Variants in DLGAP2 observed in about 807,000 individuals in gnomAD.
DLGAP2 encodes DLG associated protein 2.
DLGAP2 carries 26 observed loss-of-function variants against 100.3 expected under a neutral mutation model. That is an observed-to-expected ratio of 0.26 (90% CI 0.19 to 0.36). The LOEUF (loss-of-function observed/expected upper bound fraction) is 0.36. Ranked by LOEUF, DLGAP2 falls within the 10% of genes least tolerant of loss-of-function variation. DLGAP2 has a pLI of 1.00. For synonymous variants in DLGAP2, 886 were observed against 630.1 expected, an observed-to-expected ratio of 1.41 and a Z score of -6.08; for missense variants, 1,858 against 1,453.2, an observed-to-expected ratio of 1.28 and a Z score of -4.53.
intron 2 of DLGAP2, among the ~76,000 whole-genome samples, chr8:947,128 G>T (rs772979233): frequency 6.6e-6 from 1 of 152,176 alleles, no homozygotes; most frequent in Non-Finnish European, 1.5e-5. Flanking sequence ...CATCTGCCAG[G>T]AAGACTGTCT....
chr8:1,135,305 A>C (rs1796381575), intron 2 of DLGAP2, among the ~76,000 whole-genome samples: 1 of 152,190 alleles, frequency 6.6e-6, no homozygotes, highest in Non-Finnish European at 1.5e-5. Flanking sequence ...TTCAAGAATT[A>C]AAAAGCAGCT....
At chr8:1,006,282 A>G (rs1563140073) in intron 2 of DLGAP2, among the ~76,000 whole-genome samples, 1 of 152,162 alleles carries the variant, frequency 6.6e-6, no homozygotes, top group Non-Finnish European at 1.5e-5. Context: ...TTGTGCCTTT[A>G]TCACATCGAG....
chr8:820,236 A>G (rs1318373730), intron 1 of DLGAP2, among the ~76,000 whole-genome samples: 2 of 152,238 alleles, frequency 1.3e-5, no homozygotes, highest in Non-Finnish European at 1.5e-5. Flanking sequence ...ATCATTAAAG[A>G]TAGTTACTGA....
intron 2 of DLGAP2, among the ~76,000 whole-genome samples, chr8:952,269 A>G (rs1479706841): frequency 6.6e-6 from 1 of 151,968 alleles, no homozygotes; most frequent in Non-Finnish European, 1.5e-5. Flanking sequence ...AGAGCTTAGG[A>G]CCTCTTGATG....
chr8:1,324,705 C>A (rs1800981287), intron 3 of DLGAP2, among the ~76,000 whole-genome samples: 1 of 152,204 alleles, frequency 6.6e-6, no homozygotes, highest in Non-Finnish European at 1.5e-5. Context: ...TTCACAATTC[C>A]TTAACTGTTG....
At chr8:756,798 C>G (rs901743627) in intron 1 of DLGAP2, among the ~76,000 whole-genome samples, 1 of 152,178 alleles carries the variant, frequency 6.6e-6, no homozygotes, top group African/African-American at 2.4e-5. Context: ...TAGCAGATCT[C>G]CCGCCTCCGG....
chr8:870,263 G>A (rs943218898), intron 1 of DLGAP2, among the ~76,000 whole-genome samples: 1 of 152,080 alleles, frequency 6.6e-6, no homozygotes, highest in Non-Finnish European at 1.5e-5. Flanking sequence ...TAACAAGTGC[G>A]GTTATTACAA....
intron 3 of DLGAP2, among the ~76,000 whole-genome samples, chr8:1,310,082 A>T (rs1203537446): frequency 2.0e-5 from 3 of 151,618 alleles, no homozygotes; most frequent in Non-Finnish European, 4.4e-5. Flanking sequence ...AAAAAAGATG[A>T]AACCTGCGAC....
chr8:1,344,191 T>C (rs1801500478), intron 3 of DLGAP2, among the ~76,000 whole-genome samples: 1 of 151,868 alleles, frequency 6.6e-6, no homozygotes, highest in African/African-American at 2.4e-5. Flanking sequence ...CGTGGGTCCG[T>C]GTACTCGGGG....
At chr8:793,306 T>G (rs1434512121) in intron 1 of DLGAP2, among the ~76,000 whole-genome samples, 3 of 152,234 alleles carry the variant, frequency 2.0e-5, no homozygotes, top group Non-Finnish European at 4.4e-5. Context: ...TTAAAACCGC[T>G]GCCTTCTACC....
chr8:1,695,928 G>C (rs770513179), intron 13 of DLGAP2, among the ~76,000 whole-genome samples: 2 of 152,218 alleles, frequency 1.3e-5, no homozygotes, highest in Non-Finnish European at 2.9e-5. Flanking sequence ...AGCTCCTCAA[G>C]TGCCTGGGGG....
chr8:1,075,856 C>G (rs1226807391), intron 2 of DLGAP2, among the ~76,000 whole-genome samples: 1 of 151,524 alleles, frequency 6.6e-6, no homozygotes, highest in Non-Finnish European at 1.5e-5. Flanking sequence ...TGCTGGAGCC[C>G]AGGAGTTCAA....
chr8:1,367,497 G>A (rs1158943950), intron 3 of DLGAP2, among the ~76,000 whole-genome samples: 6 of 152,204 alleles, frequency 3.9e-5, no homozygotes, highest in East Asian at 3.9e-4. Context: ...TGGAGCAGGC[G>A]GAATTCCAAA....
chr8:1,023,409 G>C (rs1032565040), intron 2 of DLGAP2, among the ~76,000 whole-genome samples: 3 of 152,150 alleles, frequency 2.0e-5, no homozygotes, highest in Admixed American at 6.5e-5. Flanking sequence ...TCCCAGGCCA[G>C]ATTCTAACTC....
intron 2 of DLGAP2, among the ~76,000 whole-genome samples, chr8:1,164,335 T>C (rs1796967401): frequency 1.6e-5 from 2 of 128,508 alleles, no homozygotes; most frequent in Non-Finnish European, 3.7e-5. Flanking sequence ...CAGATTTTTC[T>C]GTGAGCCCGC....
chr8:900,058 A>T (rs956700210), intron 1 of DLGAP2, among the ~76,000 whole-genome samples: 5 of 152,238 alleles, frequency 3.3e-5, no homozygotes, highest in African/African-American at 1.2e-4. Context: ...CACATGTAAA[A>T]GTTGTAAAAA....
chr8:1,483,276 C>A (rs974241253), intron 3 of DLGAP2, among the ~76,000 whole-genome samples: 1 of 152,186 alleles, frequency 6.6e-6, no homozygotes, highest in Non-Finnish European at 1.5e-5. Flanking sequence ...CTTTAAAATG[C>A]GTCCCTCTAG....
intron 2 of DLGAP2, among the ~76,000 whole-genome samples, chr8:1,227,153 G>GATATATAGATATATATATATATAT (rs1798434761): frequency 1.1e-5 from 1 of 89,748 alleles, no homozygotes; most frequent in African/African-American, 6.5e-5. Flanking sequence ...GAAACTGTGA[G>GATATATAGATATATATATATATAT]ATATATATAT....
At chr8:1,363,268 C>T (rs1329715659) in intron 3 of DLGAP2, among the ~76,000 whole-genome samples, 1 of 152,226 alleles carries the variant, frequency 6.6e-6, no homozygotes, top group Non-Finnish European at 1.5e-5. Flanking sequence ...GCCCCCACGC[C>T]CATGGCATGC....
Sources: gnomAD v4.1 joint callset for allele counts (sites outside exome capture counted in the v4.1 genomes callset) on GRCh38, gnomAD v4.1.1 for gene constraint, MANE v1.5 for transcripts, NCBI Gene and HGNC (gene_info 2026-07-23, HGNC 2026-07-21) for gene names.